The following PID1 variants were observed in gnomAD, a reference collection of about 807,000 sequenced individuals.
The protein encoded by PID1 is phosphotyrosine interaction domain containing 1.
A neutral mutation model predicts 19.1 loss-of-function variants in PID1; 10 were observed. The ratio of observed to expected loss-of-function variants is 0.52; its 90% CI spans 0.32 to 0.89. The LOEUF is 0.89. Among genes scored for constraint, PID1 ranks in the 40% least tolerant of loss-of-function variants. The pLI is 0.03. For synonymous variants in PID1, 130 were observed against 116.0 expected, an observed-to-expected ratio of 1.12 and a Z score of -0.78; for missense variants, 248 against 285.3, an observed-to-expected ratio of 0.87 and a Z score of 0.94.
chr2:229,155,897 A>ACCG lies in PID1; in HGVS notation c.95_97dup (p.Ala32dup). ...AATGGCCTCCGGCTCATGGAAGATG[A>ACCG]CCGCTGGGAGAGGTTCCTTTTTCAG... On this transcript the variant is annotated inframe_insertion, in exon 2 of 3. Coordinates refer to ENST00000392055, the MANE Select transcript of PID1 (RefSeq NM_001100818.2). The ACCG allele has an allele frequency of 6.2e-7, 1 of 1,613,988 alleles. No individual in the cohort carries two copies. The highest frequency in any genetic ancestry group is 8.5e-7 in the Non-Finnish European group (1 of 1,179,980).
At chr2:229,203,056 A>G (rs944541498) in intron 1 of PID1, among the ~76,000 whole-genome samples, 6 of 152,148 alleles carry the variant, frequency 3.9e-5, no homozygotes, top group East Asian at 1.9e-4. Context: ...CCAATTCAGT[A>G]TCAGAGTCCT....
At chr2:229,064,464 A>G (rs764300460) in intron 2 of PID1, among the ~76,000 whole-genome samples, 1 of 152,160 alleles carries the variant, frequency 6.6e-6, no homozygotes, top group Non-Finnish European at 1.5e-5. Context: ...AGTTTAGGGC[A>G]CAGGGAAATG....
chr2:229,102,505 CG>C (rs1232657412), intron 2 of PID1, among the ~76,000 whole-genome samples: 1 of 152,138 alleles, frequency 6.6e-6, no homozygotes, highest in Non-Finnish European at 1.5e-5. Context: ...TAAGCAGAGA[CG>C]GTTCCTCTCC....
chr2:229,136,033 C>G (rs1199416614), intron 2 of PID1, among the ~76,000 whole-genome samples: 1 of 152,128 alleles, frequency 6.6e-6, no homozygotes, highest in Non-Finnish European at 1.5e-5. Context: ...GATGCCACTT[C>G]TAAGTTTAGG....
At chr2:229,166,279 A>C (rs551651279) in intron 1 of PID1, among the ~76,000 whole-genome samples, 1 of 152,302 alleles carries the variant, frequency 6.6e-6, no homozygotes, top group South Asian at 2.1e-4. Flanking sequence ...AGTGACTGAG[A>C]GGAGATCAGT....
Position 229,040,120 on chromosome 2 carries a change from G to GAAA in PID1, c.178-14015_178-14013dup, listed in dbSNP as rs59973595. Reference sequence around the variant, plus strand: ...GACTTATTGGGTATATTGTTATGTGGAAAAAAAAAAAAAAAAGGCTGGGCA... The same window carrying GAAA: ...GACTTATTGGGTATATTGTTATGTGGAAAAAAAAAAAAAAAAAAAGGCTGGGCA... On this transcript the variant is annotated intron_variant, in intron 2 of 2. Transcript: ENST00000392055. Among the ~76,000 whole-genome samples, 124 of 130,184 alleles carry GAAA rather than the reference G, an allele frequency of 9.5e-4. 1 individual carries two copies. Among genetic ancestry groups the GAAA allele is most frequent in the African/African-American group, 2.3e-3 (83 of 35,484 alleles). The allele number at this position is 130,184 out of a possible 152,430, so 85.4% of individuals were successfully genotyped here.
chr2:229,155,755 C>T (rs1690357700), intron 2 of PID1, 63 bp downstream of exon 2: 1 of 1,447,924 alleles, frequency 6.9e-7, no homozygotes, highest in Admixed American at 2.2e-5. Flanking sequence ...ACATAGGTCT[C>T]AAGCCCACAC....
intron 2 of PID1, among the ~76,000 whole-genome samples, chr2:229,129,274 C>T (rs1689662256): frequency 6.6e-6 from 1 of 152,004 alleles, no homozygotes; most frequent in Non-Finnish European, 1.5e-5. Context: ...ATTAACCGGG[C>T]ATGGTGGCGG....
chr2:229,032,623 G>A (rs535288733), intron 2 of PID1, among the ~76,000 whole-genome samples: 14 of 152,162 alleles, frequency 9.2e-5, no homozygotes, highest in Non-Finnish European at 1.9e-4. Context: ...TGACAAGAGG[G>A]GTCTTCAGGA....
At chr2:229,047,270 C>T (rs1471118591) in intron 2 of PID1, among the ~76,000 whole-genome samples, 1 of 152,076 alleles carries the variant, frequency 6.6e-6, no homozygotes, top group Non-Finnish European at 1.5e-5. Flanking sequence ...GCCCAGGTTC[C>T]CTTGAGATGA....
chr2:229,138,482 C>T (rs1184596741), intron 2 of PID1, among the ~76,000 whole-genome samples: 1 of 151,904 alleles, frequency 6.6e-6, no homozygotes, highest in African/African-American at 2.4e-5. Flanking sequence ...CTGAACCAAG[C>T]CTGGAAAAGA....
intron 1 of PID1, among the ~76,000 whole-genome samples, chr2:229,225,752 C>T (rs555791487): frequency 1.3e-5 from 2 of 152,282 alleles, no homozygotes; most frequent in African/African-American, 4.8e-5. Flanking sequence ...GGGAAGCAAA[C>T]AGGTCCTTCT....
intron 1 of PID1, among the ~76,000 whole-genome samples, chr2:229,156,711 CT>C (rs1454055541): frequency 2.0e-5 from 3 of 152,108 alleles, no homozygotes; most frequent in African/African-American, 7.2e-5. Context: ...CTTCTAAAAT[CT>C]AATTGTGCCA....
At position 229,186,411 on chromosome 2, in the gene PID1, C is replaced by A. The variant is rs147209094; in HGVS notation, c.31-30447G>T. On this transcript the variant is annotated intron_variant, in intron 1 of 2. Coordinates refer to ENST00000392055, the MANE Select transcript of PID1 (RefSeq NM_001100818.2). ...GTGTGGGGGTTTTGACCACACATTT[C>A]TTCTCTGCACTGCCCTAGCAGAGGT... is the stretch of plus-strand genomic sequence containing the variant. Among the ~76,000 whole-genome samples, 265 of 152,336 alleles carry A rather than the reference C, an allele frequency of 1.7e-3. 1 individual carries two copies. Among genetic ancestry groups the A allele is most frequent in the African/African-American group, 6.0e-3 (248 of 41,584 alleles).
At chr2:229,043,123 A>T (rs1406898605) in intron 2 of PID1, among the ~76,000 whole-genome samples, 1 of 151,778 alleles carries the variant, frequency 6.6e-6, no homozygotes, top group Non-Finnish European at 1.5e-5. Flanking sequence ...CTCCTGCCTC[A>T]GCCTCCAGAG....
intron 1 of PID1, among the ~76,000 whole-genome samples, chr2:229,165,850 C>A (rs2106205128): frequency 6.8e-6 from 1 of 146,942 alleles, no homozygotes; most frequent in East Asian, 2.0e-4. Flanking sequence ...TCTTTGTAGA[C>A]AATCCAACAA....
At chr2:229,262,661 C>T (rs1214148738) in intron 1 of PID1, 1 of 1,549,914 alleles carries the variant, frequency 6.5e-7, no homozygotes, top group East Asian at 2.4e-5. Flanking sequence ...TAGCTTAAAA[C>T]AACAGAAATT....
At chr2:229,125,139 A>G (rs1695596416) in intron 2 of PID1, among the ~76,000 whole-genome samples, 2 of 152,274 alleles carry the variant, frequency 1.3e-5, no homozygotes, top group East Asian at 1.9e-4. Context: ...CTGAGCAAAA[A>G]TGATGTGTGT....
chr2:229,142,521 C>T (rs1690037185), intron 2 of PID1, among the ~76,000 whole-genome samples: 1 of 152,096 alleles, frequency 6.6e-6, no homozygotes, highest in South Asian at 2.1e-4. Context: ...TTTTAGAAAG[C>T]CCACTGACTC....
Sources: allele counts gnomAD v4.1 joint callset (sites outside exome capture counted in the v4.1 genomes callset), GRCh38; gene constraint gnomAD v4.1.1; transcripts MANE v1.5; gene names NCBI Gene and HGNC (gene_info 2026-07-23, HGNC 2026-07-21).